The following CFAP47 variants were observed in gnomAD, a reference collection of about 807,000 sequenced individuals.
CFAP47 encodes cilia- and flagella-associated protein 47.
In CFAP47, 29 loss-of-function variants were observed where a neutral mutation model predicts 148.1. That is an observed-to-expected ratio of 0.20 (90% CI 0.15 to 0.27). The LOEUF (loss-of-function observed/expected upper bound fraction) is 0.27. CFAP47 is among the 10% of genes least tolerant of loss of function. CFAP47 has a pLI of 1.00. For synonymous variants in CFAP47, 664 were observed against 577.3 expected (o/e 1.15, Z -2.15); for missense variants, 1,872 against 1,697.5 (o/e 1.10, Z -1.81).
In CFAP47 at chrX:36,354,789, C is replaced by T. The variant is rs782586749; in HGVS notation, c.8851+1108C>T. Among the ~76,000 whole-genome samples the T allele has an allele frequency of 2.7e-5, 3 of 110,974 alleles. No individual in the cohort carries two copies. In the South Asian group the frequency reaches 1.1e-3, roughly 43 times the overall value. On this transcript the variant is annotated intron_variant, in intron 60 of 63. Transcript: ENST00000378653. ...ACACCCTCTTGCCAAAGACCCTGTG[C>T]TTGGCAAAGGGTCTTCTCATGACAC...
rs192165330 is a variant in CFAP47 at position 35,982,803 on chromosome X, T to C, written c.2714-6516T>C. On this transcript the variant is annotated intron_variant, in intron 15 of 63. Coordinates refer to ENST00000378653, the MANE Select transcript of CFAP47 (RefSeq NM_001304548.2). ...CTTTATTTCTGGACTCTCTAGTCTG[T>C]TCCATTGGTCTATGTATCTGTTTTT... is the stretch of plus-strand genomic sequence containing the variant. Among the ~76,000 whole-genome samples, 795 of 111,510 alleles carry C rather than the reference T, an allele frequency of 7.1e-3. 8 individuals carry two copies. Among genetic ancestry groups the C allele is most frequent in the Middle Eastern group, 0.038 (8 of 209 alleles).
At chrX:36,065,774 C>G in intron 27 of CFAP47, 31 bp downstream of exon 27, 1 of 851,332 alleles carries the variant, frequency 1.2e-6, no homozygotes, top group African/African-American at 2.0e-5. Context: ...TTATCCCTAA[C>G]TCTCACTGTA....
At chrX:36,337,452 T>C (rs1221922797) in intron 57 of CFAP47, among the ~76,000 whole-genome samples, 1 of 111,587 alleles carries the variant, frequency 9.0e-6, no homozygotes, top group Non-Finnish European at 1.9e-5. Flanking sequence ...ATATAGATGG[T>C]AGAGAGAAAG....
intron 55 of CFAP47, among the ~76,000 whole-genome samples, chrX:36,308,402 G>A (rs1941367719): frequency 9.1e-6 from 1 of 110,435 alleles, no homozygotes; most frequent in South Asian, 3.8e-4. Flanking sequence ...TCAATATATT[G>A]CTGTAACCTT....
chrX:36,202,746 G>C (rs983913153), intron 44 of CFAP47, among the ~76,000 whole-genome samples: 1 of 109,541 alleles, frequency 9.1e-6, no homozygotes, highest in African/African-American at 3.3e-5. Flanking sequence ...GTGTGGAGGC[G>C]TGCACCTGTA....
In CFAP47 at chrX:36,104,540, T is replaced by C; in HGVS notation, c.5169T>C (p.Asn1723=). 1.0e-6 allele frequency: 1 copy of C among 986,885 alleles called. No individual in the cohort carries two copies. The highest frequency in any genetic ancestry group is 1.4e-6 in the Non-Finnish European group (1 of 721,701). 81.3% of individuals were successfully genotyped at this position (986,885 alleles called of 1,213,427 possible). A position where few individuals can be genotyped will look rare whatever the true frequency, so the allele number is the denominator to read the frequency against. Residue 1723 remains asparagine, a synonymous_variant, in exon 33 of 64, where the codon AAT becomes AAC. Coordinates refer to ENST00000378653, the MANE Select transcript of CFAP47 (RefSeq NM_001304548.2). ...GTGTAGTGCCATACTGCAGCAATAA[T>C]ATGCCCCCCATATGTGTGCAAAATA... The part of the protein sequence containing the change: ...LSRVVPYCSN[N]MPPICVQNTP...
intron 57 of CFAP47, among the ~76,000 whole-genome samples, chrX:36,340,544 A>G (rs1447404967): frequency 9.0e-6 from 1 of 111,309 alleles, no homozygotes; most frequent in African/African-American, 3.3e-5. Context: ...TTCTCAGTGC[A>G]TTTGCCCCCA....
chrX:36,201,848 G>T (rs1447230950), intron 44 of CFAP47, among the ~76,000 whole-genome samples: 1 of 110,305 alleles, frequency 9.1e-6, no homozygotes, highest in Non-Finnish European at 1.9e-5. Flanking sequence ...ACTAGGAGGG[G>T]GTGGGTAGGA....
At chrX:36,006,596 A>G (rs1447374186) in intron 21 of CFAP47, among the ~76,000 whole-genome samples, 1 of 112,295 alleles carries the variant, frequency 8.9e-6, no homozygotes, top group Admixed American at 9.5e-5. Context: ...CCTATGTAGC[A>G]GGAAAATGTG....
intron 27 of CFAP47, among the ~76,000 whole-genome samples, chrX:36,069,542 C>T (rs935524495): frequency 3.5e-4 from 39 of 111,168 alleles, no homozygotes; most frequent in African/African-American, 1.2e-3. Flanking sequence ...TCTTAAATAT[C>T]CTAAAACATC....
chrX:36,163,486 T>C (rs758739300), intron 39 of CFAP47, among the ~76,000 whole-genome samples: 4 of 108,580 alleles, frequency 3.7e-5, no homozygotes, highest in Admixed American at 1.0e-4. Flanking sequence ...GGTGAAAATT[T>C]AGATTATTAT....
rs1556016899 is a variant in CFAP47, at chrX:36,348,140, C to T, written c.8455C>T (p.Pro2819Ser). 1 of 1,006,407 alleles carries T rather than the reference C, an allele frequency of 9.9e-7. No individual in the cohort carries two copies. Among genetic ancestry groups the T allele is most frequent in the African/African-American group, 2.0e-5 (1 of 49,438 alleles). 82.9% of individuals were successfully genotyped at this position (1,006,407 alleles called of 1,213,427 possible). A position where few individuals can be genotyped will look rare whatever the true frequency, so the allele number is the denominator to read the frequency against. The change falls in exon 58 of 64, where the codon CCT becomes TCT. Residue 2819 changes from proline (P) to serine (S), a missense_variant. Physicochemically the swap from Pro to Ser is moderately conservative, Grantham distance 74. Transcript: ENST00000378653. The stretch of plus-strand genomic sequence containing the variant: ...TGTGTGTTTTACAGGAATTGCACTG[C>T]CTCCTAAAGGAAATATAGATATCTC... ...SPSEIQGIAL[P>S]PKGNIDISLL...
intron 49 of CFAP47, among the ~76,000 whole-genome samples, chrX:36,260,200 A>C (rs1203729069): frequency 4.5e-5 from 5 of 111,758 alleles, no homozygotes; most frequent in Non-Finnish European, 7.5e-5. Flanking sequence ...ATATGAGCAC[A>C]TAAATTCTTT....
In CFAP47 at chrX:36,278,093, C is replaced by T. The variant is rs782662054; in HGVS notation, c.7445-2394C>T. Among the ~76,000 whole-genome samples, 466 of 112,197 alleles carry T rather than the reference C, an allele frequency of 4.2e-3. 2 individuals carry two copies. Among genetic ancestry groups the T allele is most frequent in the African/African-American group, 0.015 (456 of 30,931 alleles). On this transcript the variant is annotated intron_variant, in intron 49 of 63. Coordinates refer to ENST00000378653, the MANE Select transcript of CFAP47 (RefSeq NM_001304548.2). ...CTGTCTGTTCTCAGAGCTCAAACAC[C>T]GTGCTGGGAGAACCACTGCTCTCTT...
chrX:36,241,088 A>G (rs1940538126), intron 48 of CFAP47, among the ~76,000 whole-genome samples: 2 of 111,136 alleles, frequency 1.8e-5, no homozygotes, highest in South Asian at 7.8e-4. Context: ...TGAGTGCTAG[A>G]GATAGTTCCT....
At chrX:36,352,595 C>A (rs929738279) in intron 59 of CFAP47, among the ~76,000 whole-genome samples, 38 of 110,036 alleles carry the variant, frequency 3.5e-4, no homozygotes, top group Non-Finnish European at 6.5e-4. Flanking sequence ...CCCCTATATT[C>A]AATGTGTATT....
At chrX:36,155,051 T>G (rs1444749008) in intron 37 of CFAP47, among the ~76,000 whole-genome samples, 1 of 111,054 alleles carries the variant, frequency 9.0e-6, no homozygotes, top group Non-Finnish European at 1.9e-5. Flanking sequence ...GCTTGCAGAT[T>G]CAGTGTCTGG....
At chrX:36,096,484 T>C (rs1938279734) in intron 30 of CFAP47, among the ~76,000 whole-genome samples, 1 of 111,605 alleles carries the variant, frequency 9.0e-6, no homozygotes, top group Admixed American at 9.6e-5. Flanking sequence ...CCTATCTTGC[T>C]CTTTATTTCT....
intron 51 of CFAP47, among the ~76,000 whole-genome samples, chrX:36,287,555 C>T (rs140018841): frequency 0.028 from 3,093 of 110,911 alleles, 87 homozygotes; most frequent in African/African-American, 0.095. Context: ...AGTAGTTTTA[C>T]GTTATAAGGC....
Sources: allele counts gnomAD v4.1 joint callset (sites outside exome capture counted in the v4.1 genomes callset), GRCh38; gene constraint gnomAD v4.1.1; transcripts MANE v1.5; gene names NCBI Gene and HGNC (gene_info 2026-07-23, HGNC 2026-07-21).